PCDH11X: variants seen among roughly 807,000 people sequenced by gnomAD.
PCDH11X encodes protocadherin-11 X-linked.
In PCDH11X, 18 loss-of-function variants were observed where a neutral mutation model predicts 53.3. That is an observed-to-expected ratio of 0.34 (90% CI 0.23 to 0.50). PCDH11X has a LOEUF of 0.50. PCDH11X is among the 20% of genes least tolerant of loss of function. The probability of loss-of-function intolerance (pLI) is 0.98; values close to 1 mark genes in which losing one functional copy is unlikely to be tolerated. For synonymous variants in PCDH11X, 279 were observed against 393.3 expected (o/e 0.71, Z 3.44); for missense variants, 570 against 1,032.4 (o/e 0.55, Z 6.14).
intron 9 of PCDH11X, among the ~76,000 whole-genome samples, chrX:92,419,710 C>T (rs2071914045): frequency 1.5e-5 from 1 of 67,995 alleles, no homozygotes; most frequent in East Asian, 5.3e-4. Context: ...AGATGATTCT[C>T]GCTCTGTCGC....
chrX:92,337,203 T>C (rs1260801472), intron 8 of PCDH11X, among the ~76,000 whole-genome samples: 1 of 108,192 alleles, frequency 9.2e-6, no homozygotes, highest in Non-Finnish European at 1.9e-5. Flanking sequence ...GTAGGAAATT[T>C]GCATTTGTTA....
intron 9 of PCDH11X, among the ~76,000 whole-genome samples, chrX:92,408,074 G>A (rs2071561791): frequency 9.1e-6 from 1 of 110,336 alleles, no homozygotes; most frequent in Non-Finnish European, 1.9e-5. Flanking sequence ...TAGTAGAAAC[G>A]GGGTTTTACC....
intron 6 of PCDH11X, among the ~76,000 whole-genome samples, chrX:92,124,322 G>A (rs1041775561): frequency 8.2e-5 from 9 of 109,929 alleles, no homozygotes; most frequent in African/African-American, 1.7e-4. Context: ...TGAGGCGGGC[G>A]GATCACCTGA....
rs369951909 is a variant in PCDH11X, at chrX:92,137,739, C to T, written c.3034-63636C>T. Among the ~76,000 whole-genome samples, 20 of 109,451 alleles carry T rather than the reference C, an allele frequency of 1.8e-4. No individual in the cohort carries two copies. In the East Asian group the frequency reaches 3.8e-3, roughly 21 times the overall value. ...AACCCAGCTCCTAGCAACCACTAAT[C>T]TTTCTGTATCAAAAGATTTGCTTAT... is the stretch of plus-strand genomic sequence containing the variant. On this transcript the variant is annotated intron_variant, in intron 6 of 10. Transcript: ENST00000682573.
chrX:91,807,468 G>A, intron 1 of PCDH11X, among the ~76,000 whole-genome samples: 1 of 111,431 alleles, frequency 9.0e-6, no homozygotes, highest in Non-Finnish European at 1.9e-5. Flanking sequence ...GTGTGTGTGT[G>A]TCTGTGAGGG....
intron 8 of PCDH11X, among the ~76,000 whole-genome samples, chrX:92,301,388 C>T (rs906734794): frequency 9.4e-6 from 1 of 106,937 alleles, no homozygotes; most frequent in Non-Finnish European, 1.9e-5. Flanking sequence ...TCCTGAGGAG[C>T]ATGGCGAGCC....
intron 6 of PCDH11X, among the ~76,000 whole-genome samples, chrX:91,885,459 G>A (rs1441139012): frequency 9.1e-6 from 1 of 109,845 alleles, no homozygotes; most frequent in Admixed American, 9.8e-5. Flanking sequence ...AAATGACGAA[G>A]CCCAGAAAAG....
At chrX:92,309,239 T>C (rs1441346343) in intron 8 of PCDH11X, among the ~76,000 whole-genome samples, 1 of 112,343 alleles carries the variant, frequency 8.9e-6, no homozygotes, top group Non-Finnish European at 1.9e-5. Context: ...AAGAAATATA[T>C]GTGTCTATTG....
chrX:92,245,316 C>G (rs1174329884), intron 7 of PCDH11X, among the ~76,000 whole-genome samples: 1 of 112,007 alleles, frequency 8.9e-6, no homozygotes, highest in African/African-American at 3.2e-5. Flanking sequence ...AATCTGGCAG[C>G]ATGATAGATA....
intron 10 of PCDH11X, among the ~76,000 whole-genome samples, chrX:92,534,744 A>G (rs1467495640): frequency 9.0e-6 from 1 of 111,606 alleles, no homozygotes. Flanking sequence ...AGTGGGGGCC[A>G]ATATTCAACA....
At chrX:92,434,105 C>T (rs1177473595) in intron 9 of PCDH11X, among the ~76,000 whole-genome samples, 6 of 111,042 alleles carry the variant, frequency 5.4e-5, no homozygotes, top group Non-Finnish European at 1.1e-4. Context: ...GTATTTTAAC[C>T]TAAATTTTAT....
At chrX:92,204,218 C>T (rs1017004153) in intron 7 of PCDH11X, among the ~76,000 whole-genome samples, 1 of 112,107 alleles carries the variant, frequency 8.9e-6, no homozygotes. Context: ...ACATTTGGCT[C>T]CTCATTACTT....
intron 6 of PCDH11X, among the ~76,000 whole-genome samples, chrX:91,903,656 CGTGTGTGT>C (rs61017416): frequency 3.2e-5 from 3 of 93,937 alleles, no homozygotes; most frequent in Admixed American, 1.3e-4. Context: ...CCTCTATGTG[CGTGTGTGT>C]GTGTGTGTGT....
intron 10 of PCDH11X, among the ~76,000 whole-genome samples, chrX:92,568,215 A>T (rs758366837): frequency 9.1e-6 from 1 of 109,963 alleles, no homozygotes; most frequent in South Asian, 3.9e-4. Context: ...AGGTCAGGAG[A>T]TCGAGACCAT....
At position 92,623,120 on chromosome X, in the gene PCDH11X, A is replaced by G. The variant is rs1473783846; in HGVS notation, c.*4180A>G. On this transcript the variant is annotated 3_prime_UTR_variant, in exon 11 of 11. Coordinates refer to ENST00000682573, the MANE Select transcript of PCDH11X (RefSeq NM_032968.5). ...TAAGAAGGTTGACTATTGTATGGCCAAGGATGGCAGTATGTAATCCAGAAG... is the reference window on the plus strand; with the variant it reads ...TAAGAAGGTTGACTATTGTATGGCCGAGGATGGCAGTATGTAATCCAGAAG... 1.8e-5 allele frequency: 2 copies of G among 110,583 alleles called. No individual in the cohort carries two copies. The highest frequency in any genetic ancestry group is 6.6e-5 in the African/African-American group (2 of 30,479). 9.1% of individuals were successfully genotyped at this position (110,583 alleles called of 1,213,427 possible). A position where few individuals can be genotyped will look rare whatever the true frequency, so the allele number is the denominator to read the frequency against.
At chrX:92,221,194 TATA>T (rs1187765031) in intron 7 of PCDH11X, among the ~76,000 whole-genome samples, 6 of 59,502 alleles carry the variant, frequency 1.0e-4, no homozygotes, top group African/African-American at 1.6e-4. Context: ...AAACTTAAAG[TATA>T]ATAATAATAA....
intron 6 of PCDH11X, among the ~76,000 whole-genome samples, chrX:91,993,497 T>A (rs1326494845): frequency 8.9e-6 from 1 of 111,984 alleles, no homozygotes; most frequent in Non-Finnish European, 1.9e-5. Flanking sequence ...ATCATCCTTT[T>A]ATAGATGAGA....
intron 6 of PCDH11X, among the ~76,000 whole-genome samples, chrX:92,177,662 T>G (rs977019959): frequency 8.9e-6 from 1 of 111,733 alleles, no homozygotes; most frequent in South Asian, 3.7e-4. Flanking sequence ...ATTTTGTGAG[T>G]TAAATCTGTG....
At chrX:92,008,343 C>T (rs1328020276) in intron 6 of PCDH11X, among the ~76,000 whole-genome samples, 1 of 111,049 alleles carries the variant, frequency 9.0e-6, no homozygotes, top group African/African-American at 3.3e-5. Flanking sequence ...TCAAGGGATC[C>T]TTCTCTGGCT....
Sources: allele counts gnomAD v4.1 joint callset (sites outside exome capture counted in the v4.1 genomes callset), GRCh38; gene constraint gnomAD v4.1.1; transcripts MANE v1.5; gene names NCBI Gene and HGNC (gene_info 2026-07-23, HGNC 2026-07-21).